Variants in PIEZO1 observed in about 807,000 individuals in gnomAD.
PIEZO1 encodes the protein piezo-type mechanosensitive ion channel component 1.
In PIEZO1, 296 loss-of-function variants were observed where a neutral mutation model predicts 297.2. The ratio of observed to expected loss-of-function variants is 1.00; its 90% CI spans 0.91 to 1.10. The LOEUF is 1.10. PIEZO1 is among the 50% of genes least tolerant of loss of function. PIEZO1 has a pLI of 0.00. For missense variants in PIEZO1, 5,018 were observed against 3,455.5 expected (o/e 1.45, Z -11.34); for synonymous variants, 2,427 against 1,507.5 (o/e 1.61, Z -14.13).
At chr16:88,777,531 A>C (rs1195828290) in intron 1 of PIEZO1, among the ~76,000 whole-genome samples, 1 of 152,048 alleles carries the variant, frequency 6.6e-6, no homozygotes, top group Non-Finnish European at 1.5e-5. Context: ...CCTCATTGTC[A>C]CTGGCCCGCA....
chr16:88,775,230 G>C (rs1424352866), intron 1 of PIEZO1, among the ~76,000 whole-genome samples: 1 of 152,220 alleles, frequency 6.6e-6, no homozygotes, highest in East Asian at 1.9e-4. Context: ...GCACAGGCTG[G>C]AGCAGGAGGC....
At position 88,736,707 on chromosome 16, in the gene PIEZO1, A is replaced by C. The variant is rs1317671813; in HGVS notation, c.1228T>G (p.Ser410Ala). ...RPKRAEPREA[S>A]PLHSLGHLIM... Reference sequence around the variant, plus strand: ...AGGTGGCCCAGGCTGTGGAGCGGAGACGCCTCCCTGGGCTCAGCCCGCTTG... The same window carrying C: ...AGGTGGCCCAGGCTGTGGAGCGGAGCCGCCTCCCTGGGCTCAGCCCGCTTG... The change falls in exon 11 of 51, where the codon TCT (serine) becomes GCT (alanine). Residue 410 changes from serine to alanine, a missense_variant. Physicochemically the swap from Ser to Ala is moderately conservative, Grantham distance 99. Transcript: ENST00000301015. The C allele has an allele frequency of 6.5e-7, 1 of 1,532,716 alleles. No homozygotes were observed. The highest frequency in any genetic ancestry group is 1.2e-5 in the South Asian group (1 of 83,900). The allele number at this position is 1,532,716 out of a possible 1,614,324, so 94.9% of individuals were successfully genotyped here.
chr16:88,763,682 C>A (rs768738674), intron 1 of PIEZO1, among the ~76,000 whole-genome samples: 18 of 152,156 alleles, frequency 1.2e-4, no homozygotes, highest in Non-Finnish European at 2.2e-4. Context: ...CTGGCTGACC[C>A]AGGGAGTGGA....
intron 1 of PIEZO1, among the ~76,000 whole-genome samples, chr16:88,766,437 A>C (rs946297531): frequency 6.6e-6 from 1 of 152,204 alleles, no homozygotes; most frequent in African/African-American, 2.4e-5. Flanking sequence ...CCCATTTCAC[A>C]GGTAGAGAGA....
intron 10 of PIEZO1, 80 bp from the exon 11 acceptor site, chr16:88,736,819 C>T (rs1905252635): frequency 2.3e-6 from 2 of 883,734 alleles, no homozygotes; most frequent in East Asian, 5.6e-5. Context: ...AAATCTGGGC[C>T]CTGGGCAAGC....
intron 1 of PIEZO1, among the ~76,000 whole-genome samples, chr16:88,767,935 G>C (rs377746047): frequency 6.6e-6 from 1 of 152,170 alleles, no homozygotes; most frequent in Non-Finnish European, 1.5e-5. Flanking sequence ...CTGACAGCAC[G>C]AGACTCACGC....
intron 23 of PIEZO1, 114 bp downstream of exon 23, chr16:88,727,443 G>A (rs1163968530): frequency 9.3e-6 from 6 of 642,566 alleles, no homozygotes; most frequent in Admixed American, 3.0e-5. Context: ...GCCGCCATGT[G>A]CCTGACCACA....
chr16:88,764,512 G>A (rs999657540), intron 1 of PIEZO1, among the ~76,000 whole-genome samples: 1 of 151,934 alleles, frequency 6.6e-6, no homozygotes, highest in Non-Finnish European at 1.5e-5. Flanking sequence ...CAACACTTTG[G>A]GAAGCTAAGG....
chr16:88,732,741 A>T lies in PIEZO1; in HGVS notation c.2665-9T>A, dbSNP rs1185165013. The T allele has an allele frequency of 1.0e-5, 16 of 1,539,238 alleles. No homozygotes were observed. The highest frequency in any genetic ancestry group is 1.4e-5 in the Non-Finnish European group (16 of 1,140,268). On this transcript the variant is annotated splice_polypyrimidine_tract_variant and intron_variant, in intron 19 of 50. Transcript: ENST00000301015. ...GTGCTGTTGGGGAAGGGCTGGCAAG[A>T]GGCCAGGCATCAGTGCCCCCTCCCA...
rs1911908319 is a variant in PIEZO1 at position 88,715,378 on chromosome 16, A to T, written c.*227T>A. ...GTATAAATAAAACATTTTTTAATTAAAAAAAAAACTCTACAGTACACGTGG... is the reference window on the plus strand; with the variant it reads ...GTATAAATAAAACATTTTTTAATTATAAAAAAAACTCTACAGTACACGTGG... On this transcript the variant is annotated 3_prime_UTR_variant, in exon 51 of 51. Coordinates refer to ENST00000301015, the MANE Select transcript of PIEZO1 (RefSeq NM_001142864.4). The T allele has an allele frequency of 6.9e-6, 8 of 1,155,690 alleles. No individual in the cohort carries two copies. Among genetic ancestry groups the T allele is most frequent in the African/African-American group, 3.1e-5 (2 of 64,146 alleles). 71.6% of individuals were successfully genotyped at this position (1,155,690 alleles called of 1,614,324 possible).
chr16:88,724,181 A>C (rs1272662842), intron 30 of PIEZO1, among the ~76,000 whole-genome samples: 1 of 152,222 alleles, frequency 6.6e-6, no homozygotes, highest in African/African-American at 2.4e-5. Flanking sequence ...GCTGGGGTGC[A>C]GAGTGGGCCG....
intron 1 of PIEZO1, among the ~76,000 whole-genome samples, chr16:88,751,884 G>C (rs897474846): frequency 5.9e-5 from 9 of 152,202 alleles, no homozygotes; most frequent in Non-Finnish European, 1.3e-4. Context: ...GAGCAGAGGA[G>C]CTCACGGTCT....
chr16:88,784,841 C>A, intron 1 of PIEZO1, 60 bp downstream of exon 1: 1 of 1,237,812 alleles, frequency 8.1e-7, no homozygotes, highest in Non-Finnish European at 1.1e-6. Flanking sequence ...GGTGTCCAGG[C>A]CGTGGGGAGC....
intron 1 of PIEZO1, among the ~76,000 whole-genome samples, chr16:88,754,195 C>T (rs1597475219): frequency 1.3e-5 from 2 of 152,214 alleles, no homozygotes; most frequent in Non-Finnish European, 2.9e-5. Context: ...CATCCTACAG[C>T]TGAGAGGAGC....
At chr16:88,780,382 G>A (rs1907874854) in intron 1 of PIEZO1, among the ~76,000 whole-genome samples, 1 of 143,142 alleles carries the variant, frequency 7.0e-6, no homozygotes, top group Non-Finnish European at 1.5e-5. Flanking sequence ...CAGAGGATGT[G>A]GGTGGGGGTA....
At position 88,765,582 on chromosome 16, in the gene PIEZO1, G is replaced by T. The variant is rs114802614; in HGVS notation, c.65-16103C>A. ...ACTGCCCGGACACGTGGCCAGGTGAGCACCTCGTATAGCTGGCAAGGGGCT... is the reference window on the plus strand; with the variant it reads ...ACTGCCCGGACACGTGGCCAGGTGATCACCTCGTATAGCTGGCAAGGGGCT... On this transcript the variant is annotated intron_variant, in intron 1 of 50. Coordinates refer to ENST00000301015, the MANE Select transcript of PIEZO1 (RefSeq NM_001142864.4). Among the ~76,000 whole-genome samples, 1,341 of 152,270 alleles carry T rather than the reference G, an allele frequency of 8.8e-3. 19 individuals are homozygous for T. The highest frequency in any genetic ancestry group is 0.031 in the African/African-American group (1,269 of 41,538).
chr16:88,726,692 G>T, intron 25 of PIEZO1, 23 bp downstream of exon 25: 1 of 1,545,608 alleles, frequency 6.5e-7, no homozygotes, highest in Non-Finnish European at 8.7e-7. Context: ...AGGGCGGTGG[G>T]TGCGGGGGGG....
intron 1 of PIEZO1, 56 bp from the exon 2 acceptor site, chr16:88,749,535 C>T (rs1329608245): frequency 7.6e-7 from 1 of 1,309,866 alleles, no homozygotes; most frequent in African/African-American, 1.5e-5. Context: ...AGCCCCACCC[C>T]AGAGGACAGC....
intron 2 of PIEZO1, 77 bp downstream of exon 2, chr16:88,749,307 G>A: frequency 1.1e-6 from 1 of 923,500 alleles, no homozygotes; most frequent in South Asian, 1.9e-5. Flanking sequence ...GGTGAGGAAA[G>A]CTGTACGAAT....
Sources: allele counts gnomAD v4.1 joint callset (sites outside exome capture counted in the v4.1 genomes callset), GRCh38; gene constraint gnomAD v4.1.1; transcripts MANE v1.5; gene names NCBI Gene and HGNC (gene_info 2026-07-23, HGNC 2026-07-21).